Variants in ACACA observed in about 807,000 individuals in gnomAD.
ACACA encodes the protein acetyl-CoA carboxylase alpha, also known as acetyl-CoA carboxylase 1.
Under a neutral mutation model 296.1 loss-of-function variants are expected in ACACA, and 103 were observed. The ratio of observed to expected loss-of-function variants is 0.35; its 90% CI spans 0.30 to 0.41. The LOEUF (loss-of-function observed/expected upper bound fraction) is 0.41. ACACA is among the 10% of genes least tolerant of loss of function. ACACA has a pLI of 1.00. For synonymous variants in ACACA, 953 were observed against 1,038.6 expected (o/e 0.92, Z 1.58); for missense variants, 1,554 against 2,989.7 (o/e 0.52, Z 11.20).
chr17:37,290,568 A>G (rs1362010537), intron 3 of ACACA, among the ~76,000 whole-genome samples: 1 of 152,164 alleles, frequency 6.6e-6, no homozygotes, highest in Non-Finnish European at 1.5e-5. Flanking sequence ...TCACACAGCC[A>G]GAAGTAACAA....
At chr17:37,313,996 TA>T (rs2046967996) in intron 3 of ACACA, among the ~76,000 whole-genome samples, 1 of 151,676 alleles carries the variant, frequency 6.6e-6, no homozygotes, top group Non-Finnish European at 1.5e-5. Flanking sequence ...AAATATGTAA[TA>T]AAATAGAGAG....
chr17:37,281,058 C>CTT lies in ACACA; in HGVS notation c.610+2207_610+2208dup, dbSNP rs34828277. Among the ~76,000 whole-genome samples, 944 of 136,926 alleles carry CTT rather than the reference C, an allele frequency of 6.9e-3. 14 individuals are homozygous for CTT. The highest frequency in any genetic ancestry group is 0.024 in the African/African-American group (862 of 36,586). The allele number at this position is 136,926 out of a possible 152,430, so 89.8% of individuals were successfully genotyped here. A position where few individuals can be genotyped will look rare whatever the true frequency, so the allele number is the denominator to read the frequency against. On this transcript the variant is annotated intron_variant, in intron 5 of 55. Transcript: ENST00000616317. ...CTCTTTCAGAAAGCTGTCTTTCTCT[C>CTT]TTTTTTTTTTTTTTTTCATTGAGAC...
intron 3 of ACACA, among the ~76,000 whole-genome samples, chr17:37,329,426 G>A (rs941002763): frequency 6.6e-6 from 1 of 152,070 alleles, no homozygotes; most frequent in Admixed American, 6.6e-5. Flanking sequence ...GATCACTTGA[G>A]GTCAGGAATT....
intron 43 of ACACA, among the ~76,000 whole-genome samples, chr17:37,155,438 T>A (rs1284556780): frequency 1.3e-5 from 2 of 152,150 alleles, no homozygotes; most frequent in African/African-American, 2.4e-5. Flanking sequence ...TTTTTTTTTC[T>A]TTATAATTGT....
chr17:37,134,022 C>T (rs981008992), intron 45 of ACACA, among the ~76,000 whole-genome samples: 6 of 152,122 alleles, frequency 3.9e-5, no homozygotes, highest in African/African-American at 1.4e-4. Flanking sequence ...TCATTGCAGC[C>T]GGCGGACCTA....
intron 1 of ACACA, among the ~76,000 whole-genome samples, chr17:37,344,960 G>A (rs746640714): frequency 4.6e-5 from 7 of 152,076 alleles, no homozygotes; most frequent in Non-Finnish European, 7.4e-5. Context: ...TCTAGATTGG[G>A]GGATACCAGC....
chr17:37,369,187 TCCTG>T (rs1229636295), intron 1 of ACACA, among the ~76,000 whole-genome samples: 3 of 152,176 alleles, frequency 2.0e-5, no homozygotes, highest in Admixed American at 6.6e-5. Flanking sequence ...AATGTATGTT[TCCTG>T]CTACAAAAAC....
chr17:37,223,628 C>G (rs2079397133), intron 27 of ACACA, 27 bp from the exon 28 acceptor site: 1 of 1,494,008 alleles, frequency 6.7e-7, no homozygotes, highest in Non-Finnish European at 9.3e-7. Flanking sequence ...CAGGCTTAAG[C>G]CTTACATCAA....
chr17:37,176,146 G>A (rs1335666767), intron 41 of ACACA, among the ~76,000 whole-genome samples: 1 of 152,188 alleles, frequency 6.6e-6, no homozygotes, highest in African/African-American at 2.4e-5. Context: ...ATAAGTGCAG[G>A]TTTTCTGCCT....
At chr17:37,164,296 A>G (rs1055144168) in intron 41 of ACACA, among the ~76,000 whole-genome samples, 8 of 152,100 alleles carry the variant, frequency 5.3e-5, no homozygotes, top group Admixed American at 5.2e-4. Context: ...CCCAGACTCA[A>G]CCAGGCCAGT....
chr17:37,337,304 T>A (rs2048164947), intron 2 of ACACA, among the ~76,000 whole-genome samples: 2 of 151,542 alleles, frequency 1.3e-5, no homozygotes, highest in Admixed American at 1.3e-4. Flanking sequence ...TAGTCCCAGC[T>A]ACTGGGGAGG....
rs562001906 is a variant in ACACA, at chr17:37,206,811, C to A, written c.3920G>T (p.Gly1307Val). The A allele has an allele frequency of 2.5e-6, 4 of 1,613,284 alleles. No individual in the cohort carries two copies. The highest frequency in any genetic ancestry group is 2.5e-6 in the Non-Finnish European group (3 of 1,179,376). Residue 1307 changes from glycine (G) to valine (V), a missense_variant, in exon 32 of 56, where the codon GGT becomes GTT. Gly to Val is a moderately radical substitution (Grantham distance 109). Around this residue, in one of 16 missense-constraint regions of ACACA, gnomAD observed 179 missense variants for 283.2 expected, o/e 0.63. Coordinates refer to ENST00000616317, the MANE Select transcript of ACACA (RefSeq NM_198834.3). Reference protein sequence around the residue: ...PPQSPTFPEAGHTSLYDEDKV... With the variant: ...PPQSPTFPEAVHTSLYDEDKV... Reference sequence around the variant, plus strand: ...ATCCTCATCATAAAGAGACGTGTGACCTGCCTCAGGGAATGTGGGACTCTG... The same window carrying A: ...ATCCTCATCATAAAGAGACGTGTGAACTGCCTCAGGGAATGTGGGACTCTG...
chr17:37,254,921 A>G (rs529649660), intron 14 of ACACA, among the ~76,000 whole-genome samples: 3 of 152,092 alleles, frequency 2.0e-5, no homozygotes, highest in African/African-American at 7.2e-5. Context: ...AGAACAAAGA[A>G]GCAGAGGGAA....
intron 52 of ACACA, among the ~76,000 whole-genome samples, chr17:37,098,553 GTT>G (rs1184209089): frequency 1.3e-5 from 2 of 152,188 alleles, no homozygotes; most frequent in Non-Finnish European, 2.9e-5. Flanking sequence ...CTAATCTCAG[GTT>G]TATATACTCT....
intron 1 of ACACA, among the ~76,000 whole-genome samples, chr17:37,399,014 T>C (rs1332116118): frequency 6.6e-6 from 1 of 150,508 alleles, no homozygotes; most frequent in Non-Finnish European, 1.5e-5. Context: ...AGTTTCACTC[T>C]TGTTGCCCAG....
In ACACA at chr17:37,189,662, T is replaced by TA. The variant is rs540020830; in HGVS notation, c.4573-1183dup. Among the ~76,000 whole-genome samples, 40 of 152,118 alleles carry TA rather than the reference T, an allele frequency of 2.6e-4. No homozygotes were observed. The East Asian group carries it at 7.7e-3, about 29-fold the overall frequency. On this transcript the variant is annotated intron_variant, in intron 38 of 55. Coordinates refer to ENST00000616317, the MANE Select transcript of ACACA (RefSeq NM_198834.3). ...AAGGTAAGCCAAATCTAAAAAAAAA[T>TA]ACAGCTGTACAGTGTCCATGCCATG...
intron 45 of ACACA, among the ~76,000 whole-genome samples, chr17:37,136,206 C>G (rs2075325587): frequency 1.3e-5 from 2 of 152,074 alleles, no homozygotes; most frequent in South Asian, 2.1e-4. Context: ...ATCCCAAAGT[C>G]TCCTCATGTT....
intron 45 of ACACA, among the ~76,000 whole-genome samples, chr17:37,139,226 G>A (rs113254801): frequency 3.3e-5 from 5 of 152,176 alleles, no homozygotes; most frequent in South Asian, 2.1e-4. Context: ...CTAAGGAACC[G>A]TGTGTACAGA....
intron 52 of ACACA, among the ~76,000 whole-genome samples, chr17:37,105,646 C>A (rs570668163): frequency 6.6e-6 from 1 of 152,108 alleles, no homozygotes; most frequent in South Asian, 2.1e-4. Context: ...GGGCGGATCA[C>A]CTGAGGTCGG....
Sources: gnomAD v4.1 joint callset for allele counts (sites outside exome capture counted in the v4.1 genomes callset) on GRCh38, gnomAD v4.1.1 for gene constraint, gnomAD v4.1.1 regional missense constraint, MANE v1.5 for transcripts, NCBI Gene and HGNC (gene_info 2026-07-23, HGNC 2026-07-21) for gene names.